Variants in SLC9A7 observed in about 807,000 individuals in gnomAD.
SLC9A7 encodes solute carrier family 9 member A7, also known as sodium/hydrogen exchanger 7.
SLC9A7 carries 19 observed loss-of-function variants against 52.6 expected under a neutral mutation model. That is an observed-to-expected ratio of 0.36 (90% CI 0.25 to 0.53). The LOEUF (loss-of-function observed/expected upper bound fraction) is 0.53. Ranked by LOEUF, SLC9A7 falls within the 20% of genes least tolerant of loss-of-function variation. The probability of loss-of-function intolerance (pLI) is 0.91; values close to 1 mark genes in which losing one functional copy is unlikely to be tolerated. For synonymous variants in SLC9A7, 226 were observed against 252.1 expected, an observed-to-expected ratio of 0.90 and a Z score of 0.98; for missense variants, 455 against 597.9, an observed-to-expected ratio of 0.76 and a Z score of 2.49.
intron 10 of SLC9A7, among the ~76,000 whole-genome samples, chrX:46,650,039 G>A (rs1943556707): frequency 1.8e-5 from 2 of 112,589 alleles, no homozygotes; most frequent in Admixed American, 1.9e-4. Context: ...CAAGAAATGA[G>A]CCACTGGTTT....
rs753172051 is a variant in SLC9A7 at position 46,653,597 on chromosome X, G to GA, written c.1147+11dup. The GA allele has an allele frequency of 1.1e-4, 125 of 1,185,743 alleles. No homozygotes were observed. The highest frequency in any genetic ancestry group is 1.4e-4 in the Non-Finnish European group (125 of 874,126). On this transcript the variant is annotated intron_variant, in intron 8 of 16. Transcript: ENST00000616978. ...TGAGGGGAAGGGTGGTCCAAGAGTA[G>GA]AAAAAACCTACCTGTAAATCCGCAG... is the stretch of plus-strand genomic sequence containing the variant.
chrX:46,754,224 G>A (rs1039044689), intron 1 of SLC9A7, among the ~76,000 whole-genome samples: 12 of 111,746 alleles, frequency 1.1e-4, no homozygotes, highest in Non-Finnish European at 2.3e-4. Flanking sequence ...TATTTACCAA[G>A]TGCTTAAGTG....
chrX:46,647,820 T>G (rs754191262), intron 11 of SLC9A7, among the ~76,000 whole-genome samples: 4 of 113,037 alleles, frequency 3.5e-5, no homozygotes, highest in Non-Finnish European at 7.5e-5. Context: ...TGGTTTGATT[T>G]CAGTACGACC....
At chrX:46,713,045 T>C (rs1944714381) in intron 1 of SLC9A7, among the ~76,000 whole-genome samples, 1 of 112,466 alleles carries the variant, frequency 8.9e-6, no homozygotes, top group Admixed American at 9.4e-5. Flanking sequence ...AAAGGAAGCA[T>C]TGTGTGCTAT....
In SLC9A7 at chrX:46,653,617, C is replaced by T. The variant is rs1569510318; in HGVS notation, c.1139G>A (p.Gly380Glu). The T allele has an allele frequency of 8.3e-7, 1 of 1,207,181 alleles. No individual in the cohort carries two copies. The highest frequency in any genetic ancestry group is 1.1e-6 in the Non-Finnish European group (1 of 891,744). ...GAGTAGAAAAAACCTACCTGTAAAT[C>T]CGCAGGCTTCTGCCAAGAGAAACGT... ...WSTFLLAEAC[G>E]FTGVVAVLFC... The change falls in exon 8 of 17, where the codon GGA becomes GAA. Residue 380 changes from glycine (G) to glutamate (E), a missense_variant. Around this residue, in one of 3 missense-constraint regions of SLC9A7, gnomAD observed 304 missense variants for 417.8 expected, o/e 0.73. Transcript: ENST00000616978.
At chrX:46,620,736 T>A (rs1943032320) in intron 15 of SLC9A7, among the ~76,000 whole-genome samples, 1 of 112,305 alleles carries the variant, frequency 8.9e-6, no homozygotes, top group Non-Finnish European at 1.9e-5. Context: ...AAGAGCCACA[T>A]GAGTCTACCA....
chrX:46,635,096 A>G (rs1265333998), intron 13 of SLC9A7, among the ~76,000 whole-genome samples: 1 of 112,430 alleles, frequency 8.9e-6, no homozygotes, highest in Admixed American at 9.4e-5. Context: ...TCACCATGAC[A>G]AGGCACAAGT....
At chrX:46,614,511 G>A (rs1016736429) in intron 15 of SLC9A7, among the ~76,000 whole-genome samples, 1 of 111,779 alleles carries the variant, frequency 8.9e-6, no homozygotes, top group Non-Finnish European at 1.9e-5. Context: ...GGGACTGTCT[G>A]TAGATGCCAG....
intron 13 of SLC9A7, among the ~76,000 whole-genome samples, chrX:46,633,073 G>A (rs1055890367): frequency 5.5e-5 from 6 of 108,662 alleles, no homozygotes; most frequent in African/African-American, 2.0e-4. Flanking sequence ...GGCAATGGGG[G>A]AAAGAAAAAA....
chrX:46,708,792 CTAGGATTGGTGATGG>C (rs1324670218), intron 1 of SLC9A7, among the ~76,000 whole-genome samples: 2 of 111,114 alleles, frequency 1.8e-5, no homozygotes, highest in African/African-American at 6.6e-5. Flanking sequence ...AAAGAGAAAT[CTAGGATTGGTGATGG>C]TAATCAATTC....
chrX:46,659,216 C>T lies in SLC9A7; in HGVS notation c.1041+2800G>A, dbSNP rs183864550. Among the ~76,000 whole-genome samples, 880 of 111,337 alleles carry T rather than the reference C, an allele frequency of 7.9e-3. 6 individuals are homozygous for T. Among genetic ancestry groups the T allele is most frequent in the African/African-American group, 0.028 (839 of 30,489 alleles). On this transcript the variant is annotated intron_variant, in intron 7 of 16. Coordinates refer to ENST00000616978, the MANE Select transcript of SLC9A7 (RefSeq NM_001257291.2). The stretch of plus-strand genomic sequence containing the variant: ...CTCAATAAATTAGGTATTGATGGGA[C>T]GTATCTCAAAATAATAACAGCTATC...
intron 14 of SLC9A7, among the ~76,000 whole-genome samples, chrX:46,630,855 T>C (rs1468086054): frequency 8.9e-6 from 1 of 112,263 alleles, no homozygotes; most frequent in East Asian, 2.8e-4. Context: ...TGATATAGCC[T>C]CTACCTTGCT....
intron 1 of SLC9A7, among the ~76,000 whole-genome samples, chrX:46,744,953 GGTA>G (rs750146680): frequency 9.3e-6 from 1 of 107,909 alleles, no homozygotes; most frequent in East Asian, 2.9e-4. Flanking sequence ...ACTTTAAAAT[GGTA>G]GGAAGGCTGT....
chrX:46,619,866 G>A (rs909859080), intron 15 of SLC9A7, among the ~76,000 whole-genome samples: 19 of 110,147 alleles, frequency 1.7e-4, no homozygotes, highest in African/African-American at 6.3e-4. Flanking sequence ...ATAATTCCTG[G>A]GCTCAAGTGA....
At chrX:46,687,411 T>C (rs931738261) in intron 1 of SLC9A7, among the ~76,000 whole-genome samples, 3 of 111,788 alleles carry the variant, frequency 2.7e-5, no homozygotes, top group Admixed American at 9.5e-5. Context: ...AAAGAAAGTA[T>C]CTCATTTTGC....
At chrX:46,624,170 A>G (rs1376697924) in intron 14 of SLC9A7, among the ~76,000 whole-genome samples, 1 of 112,265 alleles carries the variant, frequency 8.9e-6, no homozygotes, top group African/African-American at 3.2e-5. Context: ...CAAACTGGTA[A>G]TGGTAAAAGT....
chrX:46,717,396 T>G (rs1489896745), intron 1 of SLC9A7, among the ~76,000 whole-genome samples: 3 of 112,134 alleles, frequency 2.7e-5, no homozygotes, highest in Non-Finnish European at 5.6e-5. Context: ...AAATCTTTTT[T>G]TTGAGACACA....
chrX:46,675,011 A>G (rs1176107374), intron 3 of SLC9A7, among the ~76,000 whole-genome samples: 1 of 108,057 alleles, frequency 9.3e-6, no homozygotes, highest in Admixed American at 1.0e-4. Context: ...ATGTTATTGT[A>G]TATGTGTGTG....
intron 16 of SLC9A7, among the ~76,000 whole-genome samples, chrX:46,611,019 T>G (rs753389922): frequency 8.9e-6 from 1 of 111,842 alleles, no homozygotes; most frequent in African/African-American, 3.2e-5. Flanking sequence ...TTTATATATA[T>G]AAACCCAGTG....
Sources: gnomAD v4.1 joint callset for allele counts (sites outside exome capture counted in the v4.1 genomes callset) on GRCh38, gnomAD v4.1.1 for gene constraint, gnomAD v4.1.1 regional missense constraint, MANE v1.5 for transcripts, NCBI Gene and HGNC (gene_info 2026-07-23, HGNC 2026-07-21) for gene names.